MYZAP: variants seen among roughly 807,000 people sequenced by gnomAD.
MYZAP encodes the protein myocardial zonula adherens protein.
MYZAP carries 66 observed loss-of-function variants against 69.4 expected under a neutral mutation model. The observed-to-expected ratio is 0.95, with a 90% CI of 0.78 to 1.17. The LOEUF is 1.17. Among genes scored for constraint, MYZAP ranks in the 50% most tolerant of loss-of-function variants. The pLI, the probability that MYZAP is intolerant of heterozygous loss-of-function variation, is 0.00. For synonymous variants in MYZAP, 256 were observed against 205.9 expected, an observed-to-expected ratio of 1.24 and a Z score of -2.09; for missense variants, 611 against 556.2, an observed-to-expected ratio of 1.10 and a Z score of -0.99.
intron 10 of MYZAP, chr15:57,646,043 T>C: frequency 1.5e-6 from 1 of 671,176 alleles, no homozygotes; most frequent in Non-Finnish European, 2.3e-6. Flanking sequence ...TTTCAAGTAC[T>C]TCTCATAATT....
At chr15:57,601,901 G>A (rs2034439338) in intron 1 of MYZAP, among the ~76,000 whole-genome samples, 1 of 152,142 alleles carries the variant, frequency 6.6e-6, no homozygotes, top group Admixed American at 6.5e-5. Context: ...GCAAGTTAGA[G>A]GTGCCTGGTA....
rs1427337115 is a variant in MYZAP at position 57,632,528 on chromosome 15, G to T, written c.773G>T (p.Arg258Met). The part of the protein sequence containing the change: ...QYEEKLQEEQ[R>M]KHSAEKEALL... ...GAGGAGAAGCTGCAGGAAGAACAGA[G>T]GAAGCACAGTGCTGAGAAGGAGGCT... The change falls in exon 7 of 13, where the codon AGG becomes ATG. Residue 258 changes from arginine to methionine, a missense_variant. Physicochemically the swap from Arg to Met is moderately conservative, Grantham distance 91. Coordinates refer to ENST00000267853, the MANE Select transcript of MYZAP (RefSeq NM_001018100.5). 8.7e-6 allele frequency: 14 copies of T among 1,614,214 alleles called. No individual in the cohort carries two copies. The highest frequency in any genetic ancestry group is 1.2e-5 in the Non-Finnish European group (14 of 1,180,036).
chr15:57,632,379 G>T, intron 6 of MYZAP, 55 bp from the exon 7 acceptor site: 2 of 1,609,688 alleles, frequency 1.2e-6, no homozygotes, highest in Non-Finnish European at 1.7e-6. Flanking sequence ...AGTGGAAGCT[G>T]CCAATTCCTC....
intron 5 of MYZAP, among the ~76,000 whole-genome samples, chr15:57,627,407 G>T (rs2036212787): frequency 7.4e-6 from 1 of 134,510 alleles, no homozygotes; most frequent in Non-Finnish European, 1.6e-5. Context: ...GGGAGGGGAG[G>T]GGAAGGGGGA....
At chr15:57,650,941 A>C (rs2037694052) in intron 10 of MYZAP, among the ~76,000 whole-genome samples, 1 of 152,248 alleles carries the variant, frequency 6.6e-6, no homozygotes, top group African/African-American at 2.4e-5. Context: ...ATAGGTTGAC[A>C]CCAATTGTGA....
At chr15:57,632,917 T>C (rs2036594022) in intron 7 of MYZAP, among the ~76,000 whole-genome samples, 1 of 152,178 alleles carries the variant, frequency 6.6e-6, no homozygotes, top group Non-Finnish European at 1.5e-5. Flanking sequence ...CTATCTTTGA[T>C]CTTGCCTAAG....
At position 57,594,620 on chromosome 15, in the gene MYZAP, T is replaced by C. The variant is rs918514814; in HGVS notation, c.75+2511T>C. ...GGTAGGCTATCTCATATCGCCTAGG[T>C]GTGTGGTAGGCTATACCATCTAGGT... On this transcript the variant is annotated intron_variant, in intron 1 of 12. Transcript: ENST00000267853. Among the ~76,000 whole-genome samples the C allele has an allele frequency of 2.6e-5, 4 of 152,206 alleles. No individual in the cohort carries two copies. The East Asian group carries it at 5.8e-4, about 22-fold the overall frequency.
chr15:57,648,784 GTTTT>G (rs34784139), intron 10 of MYZAP, among the ~76,000 whole-genome samples: 1 of 136,304 alleles, frequency 7.3e-6, no homozygotes, highest in Non-Finnish European at 1.6e-5. Context: ...ACTTGTTTCT[GTTTT>G]TTTTTTTTTT....
chr15:57,662,149 A>G (rs1266309981), intron 11 of MYZAP, among the ~76,000 whole-genome samples: 2 of 152,180 alleles, frequency 1.3e-5, no homozygotes, highest in African/African-American at 2.4e-5. Flanking sequence ...GGGATTTTGT[A>G]TATGTTCCAG....
At chr15:57,659,995 T>C (rs574044570) in intron 10 of MYZAP, among the ~76,000 whole-genome samples, 1 of 152,330 alleles carries the variant, frequency 6.6e-6, no homozygotes, top group African/African-American at 2.4e-5. Flanking sequence ...CCACCTGTTT[T>C]ACATCAAAGC....
intron 5 of MYZAP, among the ~76,000 whole-genome samples, chr15:57,626,544 A>G (rs2036147760): frequency 6.6e-6 from 1 of 152,194 alleles, no homozygotes; most frequent in South Asian, 2.1e-4. Flanking sequence ...TAACATGCAA[A>G]TTAATTTGAA....
At chr15:57,684,014 G>A (rs533612093) in intron 12 of MYZAP, among the ~76,000 whole-genome samples, 1 of 152,142 alleles carries the variant, frequency 6.6e-6, no homozygotes, top group South Asian at 2.1e-4. Flanking sequence ...GGCTGGTCAC[G>A]AACTCCCGAC....
In MYZAP at chr15:57,675,808, C is replaced by G. The variant is rs556314974; in HGVS notation, c.1304+740C>G. Among the ~76,000 whole-genome samples the G allele has an allele frequency of 1.7e-3, 256 of 152,194 alleles. 1 individual carries two copies. Among genetic ancestry groups the G allele is most frequent in the Non-Finnish European group, 3.0e-3 (202 of 68,008 alleles). ...CCGGGTGCTCACAACTGTGCCTGGCCTCAAGAGGACATAAAACAAGTTTAC... is the reference window on the plus strand; with the variant it reads ...CCGGGTGCTCACAACTGTGCCTGGCGTCAAGAGGACATAAAACAAGTTTAC... On this transcript the variant is annotated intron_variant, in intron 12 of 12. Coordinates refer to ENST00000267853, the MANE Select transcript of MYZAP (RefSeq NM_001018100.5).
intron 12 of MYZAP, among the ~76,000 whole-genome samples, chr15:57,681,513 G>T (rs2039439443): frequency 6.6e-6 from 1 of 152,226 alleles, no homozygotes; most frequent in Non-Finnish European, 1.5e-5. Context: ...GCTTGGCGTG[G>T]TGGCTCACGC....
intron 11 of MYZAP, 131 bp from the exon 12 acceptor site, chr15:57,674,837 G>T: frequency 1.4e-6 from 1 of 716,604 alleles, no homozygotes. Flanking sequence ...TGTAAGTGAT[G>T]CTCTGTAAAT....
chr15:57,673,463 CGTGTGTGTGTGTGTGTGTGTGTGTGT>C lies in MYZAP; in HGVS notation c.1204-1475_1204-1450del, dbSNP rs3051249. Among the ~76,000 whole-genome samples the C allele has an allele frequency of 7.9e-4, 81 of 102,588 alleles. 1 individual carries two copies. Among genetic ancestry groups the C allele is most frequent in the Non-Finnish European group, 8.9e-4 (45 of 50,418 alleles). The allele number at this position is 102,588 out of a possible 152,430, so 67.3% of individuals were successfully genotyped here. On this transcript the variant is annotated intron_variant, in intron 11 of 12. Transcript: ENST00000267853. ...CTGCACGTGTGCGCATGCGTGCATG[CGTGTGTGTGTGTGTGTGTGTGTGTGT>C]GTGTGTGTGTGTGTGTGTGTGTGTG...
intron 2 of MYZAP, among the ~76,000 whole-genome samples, chr15:57,606,515 A>T (rs2034756858): frequency 1.4e-5 from 2 of 146,452 alleles, no homozygotes; most frequent in Non-Finnish European, 3.0e-5. Context: ...GGCAAAAAAA[A>T]TTATATAAAA....
At chr15:57,676,417 T>C (rs1197690121) in intron 12 of MYZAP, among the ~76,000 whole-genome samples, 8 of 18,756 alleles carry the variant, frequency 4.3e-4, no homozygotes, top group African/African-American at 5.8e-4. Flanking sequence ...TATGTATATA[T>C]ATGTGTATAT....
rs1035440871 is a variant in MYZAP, at chr15:57,618,328, C to T, written c.318+140C>T. On this transcript the variant is annotated intron_variant, in intron 3 of 12. Transcript: ENST00000267853. ...GTTATCATTTTGGCTGGAAATGTTT[C>T]TGTGTATCTTCATGGTAATGTTAAA... 3.6e-5 allele frequency: 48 copies of T among 1,337,578 alleles called. No homozygotes were observed. The African/African-American group carries it at 6.7e-4, about 19-fold the overall frequency. The allele number at this position is 1,337,578 out of a possible 1,614,324, so 82.9% of individuals were successfully genotyped here. A position where few individuals can be genotyped will look rare whatever the true frequency, so the allele number is the denominator to read the frequency against.
Sources: allele counts gnomAD v4.1 joint callset (sites outside exome capture counted in the v4.1 genomes callset), GRCh38; gene constraint gnomAD v4.1.1; transcripts MANE v1.5; gene names NCBI Gene and HGNC (gene_info 2026-07-23, HGNC 2026-07-21).